Variants in CEP112 observed in about 807,000 individuals in gnomAD.
CEP112 encodes the protein centrosomal protein 112.
In CEP112, 127 loss-of-function variants were observed where a neutral mutation model predicts 153.0. The observed-to-expected ratio is 0.83, with a 90% confidence interval of 0.72 to 0.96. CEP112 has a LOEUF of 0.96. Ranked by LOEUF, CEP112 falls within the 40% of genes least tolerant of loss-of-function variation. CEP112 has a pLI of 0.00. For missense variants in CEP112, 1,089 were observed against 1,101.2 expected (o/e 0.99, Z 0.16); for synonymous variants, 358 against 374.4 (o/e 0.96, Z 0.51).
intron 18 of CEP112, among the ~76,000 whole-genome samples, chr17:65,950,382 T>C (rs988224816): frequency 1.2e-4 from 19 of 152,184 alleles, no homozygotes; most frequent in Admixed American, 3.3e-4. Flanking sequence ...GCTCTCCACT[T>C]ACTTAGATCT....
intron 24 of CEP112, among the ~76,000 whole-genome samples, chr17:65,645,836 T>G (rs1171953510): frequency 3.3e-5 from 5 of 152,228 alleles, no homozygotes; most frequent in Non-Finnish European, 7.3e-5. Context: ...AAAGAAAAAT[T>G]ACACCTCCTT....
rs1381236547 is a variant in CEP112, at chr17:66,191,483, C to T, written c.-9+514G>A. ...ACATGCGGCGGTGCTGGGCTTGGGC[C>T]TCTCCAAGCGGCCTATGACTTTCTG... On this transcript the variant is annotated intron_variant, in intron 1 of 26. Coordinates refer to ENST00000535342, the MANE Select transcript of CEP112 (RefSeq NM_001199165.4). The surrounding 1 kb of genome is among the most constrained non-coding windows in gnomAD (Gnocchi z 4.2). Among the ~76,000 whole-genome samples the T allele has an allele frequency of 2.0e-5, 3 of 152,216 alleles. No individual in the cohort carries two copies. In the East Asian group the frequency reaches 5.8e-4, roughly 29 times the overall value.
intron 6 of CEP112, among the ~76,000 whole-genome samples, chr17:66,100,049 G>A (rs1479540924): frequency 5.3e-5 from 8 of 151,896 alleles, no homozygotes; most frequent in Admixed American, 1.3e-4. Context: ...TAAATAGGAG[G>A]TGACTAGATT....
Position 65,947,268 on chromosome 17 carries a change from T to C in CEP112, c.1872+14195A>G, listed in dbSNP as rs567964824. On this transcript the variant is annotated intron_variant, in intron 18 of 26. Coordinates refer to ENST00000535342, the MANE Select transcript of CEP112 (RefSeq NM_001199165.4). ...TATTATAATCATACACCTTTATGCA[T>C]TGGTCTATCACACAAGCCACAAACA... 3.9e-5 allele frequency among the ~76,000 whole-genome samples: 6 copies of C among 152,216 alleles called. No individual in the cohort carries two copies. The East Asian group carries it at 7.7e-4, about 20-fold the overall frequency.
intron 24 of CEP112, among the ~76,000 whole-genome samples, chr17:65,672,605 C>A (rs543282797): frequency 6.6e-6 from 1 of 152,272 alleles, no homozygotes; most frequent in Admixed American, 6.5e-5. Flanking sequence ...ACTATTAATT[C>A]ATTTTCAAGA....
chr17:65,662,801 A>G (rs2046459077), intron 24 of CEP112, among the ~76,000 whole-genome samples: 1 of 152,186 alleles, frequency 6.6e-6, no homozygotes, highest in Non-Finnish European at 1.5e-5. Flanking sequence ...ACATGGTAAA[A>G]CACATTATGG....
intron 20 of CEP112, chr17:65,873,489 C>T (rs2058729468): frequency 1.3e-5 from 2 of 152,038 alleles, no homozygotes; most frequent in South Asian, 4.1e-4. Context: ...TTTAATGGTC[C>T]CTATTAATGC....
intron 4 of CEP112, among the ~76,000 whole-genome samples, chr17:66,174,170 C>T (rs993893164): frequency 6.6e-6 from 1 of 152,102 alleles, no homozygotes; most frequent in Non-Finnish European, 1.5e-5. Context: ...CCTCGTGATC[C>T]GCCCGCCTCA....
chr17:65,661,487 G>A (rs1405688308), intron 24 of CEP112, among the ~76,000 whole-genome samples: 1 of 152,156 alleles, frequency 6.6e-6, no homozygotes, highest in African/African-American at 2.4e-5. Flanking sequence ...CTTGGTACCT[G>A]AGTCAGGACC....
At chr17:65,803,998 G>A (rs753864590) in intron 21 of CEP112, among the ~76,000 whole-genome samples, 8 of 152,102 alleles carry the variant, frequency 5.3e-5, no homozygotes, top group Non-Finnish European at 1.0e-4. Flanking sequence ...GCTAATAGCT[G>A]TTAATATCTT....
chr17:65,824,361 G>A (rs940346359), intron 21 of CEP112, among the ~76,000 whole-genome samples: 2 of 152,180 alleles, frequency 1.3e-5, no homozygotes, highest in Non-Finnish European at 2.9e-5. Flanking sequence ...AGAACCTATG[G>A]TCACAGAAAA....
rs543611202 is a variant in CEP112, at chr17:66,155,322, A to C, written c.470+19722T>G. The stretch of plus-strand genomic sequence containing the variant: ...CTCCCTCCCCTAGCCAACAGAAGCC[A>C]TGAGGGACTGTGCCGTGAGGGACAG... On this transcript the variant is annotated intron_variant, in intron 4 of 26. Transcript: ENST00000535342. Among the ~76,000 whole-genome samples, 8 of 152,212 alleles carry C rather than the reference A, an allele frequency of 5.3e-5. No individual in the cohort carries two copies. The South Asian group carries it at 1.7e-3, about 32-fold the overall frequency.
chr17:66,028,222 T>C (rs9901053), intron 15 of CEP112, 91 bp downstream of exon 15: 372,570 of 747,918 alleles, frequency 0.5, 98,792 homozygotes, highest in African/African-American at 0.59. Context: ...CATTTCTGAG[T>C]TTTATTTTTT....
chr17:66,168,703 T>C (rs1315189529), intron 4 of CEP112, among the ~76,000 whole-genome samples: 1 of 152,162 alleles, frequency 6.6e-6, no homozygotes, highest in African/African-American at 2.4e-5. Flanking sequence ...ATTTGGCATC[T>C]TGAAATCATG....
intron 6 of CEP112, among the ~76,000 whole-genome samples, chr17:66,103,098 G>A (rs749962832): frequency 5.3e-5 from 8 of 151,644 alleles, no homozygotes; most frequent in African/African-American, 9.7e-5. Flanking sequence ...GGTGGCGTAC[G>A]CCTGTAATCC....
At chr17:65,678,555 T>C (rs984364570) in intron 24 of CEP112, among the ~76,000 whole-genome samples, 1 of 152,196 alleles carries the variant, frequency 6.6e-6, no homozygotes. Flanking sequence ...CATTACTCCA[T>C]TCTAAGAATA....
At chr17:65,879,887 G>T (rs1403093897) in intron 20 of CEP112, among the ~76,000 whole-genome samples, 1 of 147,906 alleles carries the variant, frequency 6.8e-6, no homozygotes, top group African/African-American at 2.5e-5. Flanking sequence ...GCAAATCCAG[G>T]AGGTTCAATA....
intron 21 of CEP112, among the ~76,000 whole-genome samples, chr17:65,800,272 C>G (rs1251462702): frequency 6.6e-6 from 1 of 152,064 alleles, no homozygotes; most frequent in Non-Finnish European, 1.5e-5. Flanking sequence ...GCCATCATTC[C>G]CCATTTCCCT....
chr17:66,158,691 C>G (rs961067018), intron 4 of CEP112, among the ~76,000 whole-genome samples: 8 of 152,194 alleles, frequency 5.3e-5, no homozygotes, highest in African/African-American at 1.9e-4. Flanking sequence ...CTCTGGGACA[C>G]AGCTAAAGCA....
Sources: allele counts gnomAD v4.1 joint callset (sites outside exome capture counted in the v4.1 genomes callset), GRCh38; gene constraint gnomAD v4.1.1; non-coding constraint Gnocchi (gnomAD v3.1); transcripts MANE v1.5; gene names NCBI Gene and HGNC (gene_info 2026-07-23, HGNC 2026-07-21).